Variants in SV2C observed in about 807,000 individuals in gnomAD.
SV2C encodes the protein synaptic vesicle glycoprotein 2C, also known as solute carrier family 22 member B3.
SV2C carries 49 observed loss-of-function variants against 79.7 expected under a neutral mutation model. The ratio of observed to expected loss-of-function variants is 0.61; its 90% CI spans 0.49 to 0.78. The LOEUF (loss-of-function observed/expected upper bound fraction) is 0.78. SV2C is among the 30% of genes least tolerant of loss of function. The pLI, the probability that SV2C is intolerant of heterozygous loss-of-function variation, is 0.00. For synonymous variants in SV2C, 334 were observed against 333.2 expected (o/e 1.00, Z -0.03); for missense variants, 833 against 912.9 (o/e 0.91, Z 1.13).
At chr5:75,869,234 A>G in the SV2C span, among the ~76,000 whole-genome samples, 1 of 151,860 alleles carries the variant, frequency 6.6e-6, no homozygotes, top group Non-Finnish European at 1.5e-5. Flanking sequence ...TGGCTCTTGG[A>G]TGACATTTCT....
At chr5:76,253,564 A>C (rs1746175515) in intron 4 of SV2C, among the ~76,000 whole-genome samples, 1 of 152,144 alleles carries the variant, frequency 6.6e-6, no homozygotes, top group Admixed American at 6.5e-5. Context: ...ACCATTTAGG[A>C]TGGGAGGGAA....
chr5:76,263,193 C>CT (rs1746537523), intron 4 of SV2C, among the ~76,000 whole-genome samples: 1 of 152,098 alleles, frequency 6.6e-6, no homozygotes, highest in Non-Finnish European at 1.5e-5. Flanking sequence ...TGATGCCCTT[C>CT]TTTGTCTTTT....
chr5:76,001,948 C>T, the SV2C span, among the ~76,000 whole-genome samples: 1 of 151,888 alleles, frequency 6.6e-6, no homozygotes, highest in Non-Finnish European at 1.5e-5. Context: ...TTCCTCATCC[C>T]CCTCCCACCA....
intron 4 of SV2C, among the ~76,000 whole-genome samples, chr5:76,230,299 A>G (rs946009556): frequency 1.3e-5 from 2 of 148,618 alleles, no homozygotes; most frequent in Non-Finnish European, 2.9e-5. Flanking sequence ...GAATGTTCAT[A>G]AAAGGGATAA....
chr5:76,197,645 T>G (rs1011064756), intron 3 of SV2C, among the ~76,000 whole-genome samples: 3 of 150,038 alleles, frequency 2.0e-5, no homozygotes, highest in African/African-American at 7.4e-5. Context: ...AAATCTATAT[T>G]GGTCAGCATT....
chr5:75,896,144 T>G, the SV2C span, among the ~76,000 whole-genome samples: 2 of 151,922 alleles, frequency 1.3e-5, no homozygotes, highest in Non-Finnish European at 2.9e-5. Flanking sequence ...ACATGTGCCA[T>G]GCTGGTGTGC....
rs1175179677 is a variant in SV2C at position 76,223,489 on chromosome 5, ATATATATG to A, written c.913+13608_913+13615del. 4.0e-3 allele frequency among the ~76,000 whole-genome samples: 150 copies of A among 37,648 alleles called. 2 individuals carry two copies. The highest frequency in any genetic ancestry group is 0.01 in the African/African-American group (33 of 3,226). 24.7% of individuals were successfully genotyped at this position (37,648 alleles called of 152,430 possible). A position where few individuals can be genotyped will look rare whatever the true frequency, so the allele number is the denominator to read the frequency against. ...TATATATATATATATATATATATAT[ATATATATG>A]TATATGTATATAAAGATTTCATAAG... On this transcript the variant is annotated intron_variant, in intron 4 of 12. Coordinates refer to ENST00000502798, the MANE Select transcript of SV2C (RefSeq NM_014979.4).
At chr5:76,289,808 C>T (rs1026581215) in intron 6 of SV2C, among the ~76,000 whole-genome samples, 2 of 152,328 alleles carry the variant, frequency 1.3e-5, no homozygotes, top group South Asian at 2.1e-4. Flanking sequence ...TGGCAGATAG[C>T]GTATTTCTCT....
At chr5:76,040,116 T>G in the SV2C span, among the ~76,000 whole-genome samples, 1 of 152,188 alleles carries the variant, frequency 6.6e-6, no homozygotes, top group Admixed American at 6.6e-5. Context: ...CTCTTTCACA[T>G]TAACTTTTAA....
intron 2 of SV2C, among the ~76,000 whole-genome samples, chr5:76,135,660 C>T (rs1421418575): frequency 1.3e-5 from 2 of 152,166 alleles, no homozygotes; most frequent in Non-Finnish European, 2.9e-5. Context: ...GTTTTTAAGA[C>T]TTCTTATTGA....
chr5:76,213,256 G>C (rs555487799), intron 4 of SV2C, among the ~76,000 whole-genome samples: 1 of 152,252 alleles, frequency 6.6e-6, no homozygotes, highest in East Asian at 1.9e-4. Flanking sequence ...ACTTTGCTGA[G>C]GTCATTGTTG....
At chr5:76,041,555 G>C in the SV2C span, among the ~76,000 whole-genome samples, 1 of 152,158 alleles carries the variant, frequency 6.6e-6, no homozygotes, top group Non-Finnish European at 1.5e-5. Context: ...AAGGAATTCT[G>C]GGATCCCAGG....
In SV2C at chr5:76,146,796, TTA is replaced by T. The variant is rs1491414848; in HGVS notation, c.580+14467_580+14468del. ...AGATGATAAAGGAATGAGTTTTTTTTTAAAAAAAAAAAAAAAAAAAAAAAGCC... is the reference window on the plus strand; with the variant it reads ...AGATGATAAAGGAATGAGTTTTTTTTAAAAAAAAAAAAAAAAAAAAAAGCC... On this transcript the variant is annotated intron_variant, in intron 2 of 12. Coordinates refer to ENST00000502798, the MANE Select transcript of SV2C (RefSeq NM_014979.4). Among the ~76,000 whole-genome samples the T allele has an allele frequency of 4.7e-3, 318 of 67,080 alleles. 1 individual carries two copies. The highest frequency in any genetic ancestry group is 0.023 in the African/African-American group (291 of 12,808). The allele number at this position is 67,080 out of a possible 152,430, so 44.0% of individuals were successfully genotyped here.
At chr5:75,903,731 G>T in the SV2C span, among the ~76,000 whole-genome samples, 2,701 of 152,216 alleles carry the variant, frequency 0.018, 87 homozygotes, top group African/African-American at 0.062. Context: ...TTACTTCAGG[G>T]TGTTACAAAT....
the SV2C span, among the ~76,000 whole-genome samples, chr5:75,849,776 T>G: frequency 6.6e-6 from 1 of 152,332 alleles, no homozygotes; most frequent in African/African-American, 2.4e-5. Flanking sequence ...GTTTTTAGAA[T>G]GCAATTAACC....
chr5:76,184,337 G>A (rs923573764), intron 2 of SV2C, among the ~76,000 whole-genome samples: 2 of 152,182 alleles, frequency 1.3e-5, no homozygotes, highest in African/African-American at 4.8e-5. Flanking sequence ...TACTTTGCAA[G>A]ATGCCTGGTT....
At chr5:76,037,303 T>C in the SV2C span, among the ~76,000 whole-genome samples, 3 of 152,258 alleles carry the variant, frequency 2.0e-5, no homozygotes, top group African/African-American at 7.2e-5. Context: ...TTCGTTCCTT[T>C]GGAGGAGGAG....
intron 4 of SV2C, among the ~76,000 whole-genome samples, chr5:76,234,610 T>C (rs953978018): frequency 1.3e-5 from 2 of 152,238 alleles, no homozygotes. Flanking sequence ...CTTCTGTTTC[T>C]CCTGGTTGCC....
chr5:76,042,843 T>TA, the SV2C span, among the ~76,000 whole-genome samples: 4 of 152,204 alleles, frequency 2.6e-5, no homozygotes, highest in Non-Finnish European at 5.9e-5. Context: ...CCACAGGTGA[T>TA]AGAGTATGTT....
Sources: allele counts gnomAD v4.1 joint callset (sites outside exome capture counted in the v4.1 genomes callset), GRCh38; gene constraint gnomAD v4.1.1; transcripts MANE v1.5; gene names NCBI Gene and HGNC (gene_info 2026-07-23, HGNC 2026-07-21).